The following PDCD6 variants were observed in gnomAD, a reference collection of about 807,000 sequenced individuals.
PDCD6 encodes the protein programmed cell death 6.
A neutral mutation model predicts 28.3 loss-of-function variants in PDCD6; 12 were observed. That is an observed-to-expected ratio of 0.42 (90% confidence interval 0.27 to 0.69). The LOEUF is 0.69. Ranked by LOEUF, PDCD6 falls within the 30% of genes least tolerant of loss-of-function variation. The pLI is 0.22. For missense variants in PDCD6, 226 were observed against 269.9 expected (o/e 0.84, Z 1.14); for synonymous variants, 92 against 108.0 (o/e 0.85, Z 0.92).
intron 2 of PDCD6, among the ~76,000 whole-genome samples, chr5:292,273 T>G (rs1739359321): frequency 6.6e-6 from 1 of 152,226 alleles, no homozygotes; most frequent in Non-Finnish European, 1.5e-5. Flanking sequence ...ATTGTTATGT[T>G]TTTGAGACAG....
chr5:285,457 A>C (rs552138172), intron 2 of PDCD6, among the ~76,000 whole-genome samples: 8 of 151,714 alleles, frequency 5.3e-5, no homozygotes, highest in Admixed American at 2.6e-4. Context: ...AGGGCCATGC[A>C]GCTGGAGACC....
chr5:274,158 A>G (rs1328726869), intron 2 of PDCD6, among the ~76,000 whole-genome samples: 1 of 152,244 alleles, frequency 6.6e-6, no homozygotes, highest in African/African-American at 2.4e-5. Context: ...GTTTGTCACC[A>G]GGGTGATACA....
rs1053695438 is a variant in PDCD6 at position 305,116 on chromosome 5, G to C, written c.208+895G>C. ...AGGGGCAGGCAGGCCTGGGAGGCAG[G>C]TGTTCAGGAGAGTCATGTTTCCATC... On this transcript the variant is annotated intron_variant, in intron 3 of 5. Coordinates refer to ENST00000264933, the MANE Select transcript of PDCD6 (RefSeq NM_013232.4). This position sits in a 1 kb window ranked among gnomAD's most constrained non-coding sequence, Gnocchi z 4.0. 4 of 152,518 alleles carry C rather than the reference G, an allele frequency of 2.6e-5. No individual in the cohort carries two copies. Among genetic ancestry groups the C allele is most frequent in the Non-Finnish European group, 5.9e-5 (4 of 68,370 alleles). The allele number at this position is 152,518 out of a possible 1,614,324, so 9.4% of individuals were successfully genotyped here. A position where few individuals can be genotyped will look rare whatever the true frequency, so the allele number is the denominator to read the frequency against.
intron 2 of PDCD6, among the ~76,000 whole-genome samples, chr5:299,588 C>T (rs1180226311): frequency 4.0e-5 from 6 of 150,424 alleles, no homozygotes; most frequent in Non-Finnish European, 5.9e-5. Context: ...CTCACTTTGT[C>T]GCCCAGGCTG....
chr5:294,438 G>C (rs1237676978), intron 2 of PDCD6, among the ~76,000 whole-genome samples: 1 of 152,232 alleles, frequency 6.6e-6, no homozygotes, highest in Non-Finnish European at 1.5e-5. Flanking sequence ...AGGGCATATT[G>C]CCCGAGAAAG....
chr5:290,093 T>C (rs1235439815), intron 2 of PDCD6: 1 of 1,572,166 alleles, frequency 6.4e-7, no homozygotes, highest in African/African-American at 1.4e-5. Flanking sequence ...TCAAAGGGAA[T>C]ATATTCGACA....
At position 310,649 on chromosome 5, in the gene PDCD6, G is replaced by C. The variant is rs1740849234; in HGVS notation, c.368-644G>C. 1.3e-5 allele frequency: 2 copies of C among 152,722 alleles called. 1 individual carries two copies. The highest frequency in any genetic ancestry group is 4.1e-4 in the South Asian group (2 of 4,860). The allele number at this position is 152,722 out of a possible 1,614,324, so 9.5% of individuals were successfully genotyped here. ...AGGCCTTTTTCAGGACAGCCTTGGT[G>C]AACTGGAAACGGAATCCCAGCCCTT... is the stretch of plus-strand genomic sequence containing the variant. On this transcript the variant is annotated intron_variant, in intron 4 of 5. Transcript: ENST00000264933.
chr5:300,875 A>G (rs377604143), intron 2 of PDCD6, among the ~76,000 whole-genome samples: 52 of 152,228 alleles, frequency 3.4e-4, no homozygotes, highest in Admixed American at 2.8e-3. Flanking sequence ...AGAATACTCC[A>G]GAAGACCCCA....
chr5:287,893 C>G (rs1487882861), intron 2 of PDCD6, among the ~76,000 whole-genome samples: 1 of 152,114 alleles, frequency 6.6e-6, no homozygotes, highest in East Asian at 1.9e-4. Context: ...GAAAAGCAAG[C>G]AAAAGTTCAA....
rs531732100 is a variant in PDCD6, at chr5:301,967, G to A, written c.164-2210G>A. On this transcript the variant is annotated intron_variant, in intron 2 of 5. Coordinates refer to ENST00000264933, the MANE Select transcript of PDCD6 (RefSeq NM_013232.4). ...TAACTGCTGGAGGGCGGGTCATCGAGTGCTGCTGTGTGTGTATGCCTCGGG... is the reference window on the plus strand; with the variant it reads ...TAACTGCTGGAGGGCGGGTCATCGAATGCTGCTGTGTGTGTATGCCTCGGG... Among the ~76,000 whole-genome samples, 45 of 150,920 alleles carry A rather than the reference G, an allele frequency of 3.0e-4. 1 individual carries two copies. The South Asian group carries it at 8.2e-3, about 28-fold the overall frequency.
At chr5:295,238 A>G (rs1739539797) in intron 2 of PDCD6, among the ~76,000 whole-genome samples, 2 of 152,204 alleles carry the variant, frequency 1.3e-5, no homozygotes, top group African/African-American at 4.8e-5. Flanking sequence ...AAAGTATTTC[A>G]TAAGCGTATT....
At chr5:280,067 T>TA (rs1738469877) in intron 2 of PDCD6, among the ~76,000 whole-genome samples, 1 of 149,366 alleles carries the variant, frequency 6.7e-6, no homozygotes, top group Non-Finnish European at 1.5e-5. Flanking sequence ...TAAACCCCGA[T>TA]AGAGAGGGTT....
intron 2 of PDCD6, among the ~76,000 whole-genome samples, chr5:275,020 A>G (rs189204692): frequency 0.012 from 1,763 of 150,834 alleles, 39 homozygotes; most frequent in African/African-American, 0.036. Context: ...CAATGGAGTC[A>G]CTTTTCTTAG....
chr5:303,241 T>G (rs1740225452), intron 2 of PDCD6, among the ~76,000 whole-genome samples: 1 of 151,076 alleles, frequency 6.6e-6, no homozygotes, highest in South Asian at 2.1e-4. Context: ...GACATTGTTC[T>G]CTGAGATCAG....
At chr5:299,360 G>A (rs1236780202) in intron 2 of PDCD6, among the ~76,000 whole-genome samples, 2 of 141,438 alleles carry the variant, frequency 1.4e-5, no homozygotes, top group South Asian at 2.3e-4. Flanking sequence ...CTCAAACCCC[G>A]TCACCTCCCT....
At position 300,746 on chromosome 5, in the gene PDCD6, A is replaced by G. The variant is rs546258636; in HGVS notation, c.164-3431A>G. Reference sequence around the variant, plus strand: ...AAGCCAGACCCCGCTGTGGTTGGCAAGGAAGGCGAGTGGAGACATCAGGAG... The same window carrying G: ...AAGCCAGACCCCGCTGTGGTTGGCAGGGAAGGCGAGTGGAGACATCAGGAG... On this transcript the variant is annotated intron_variant, in intron 2 of 5. Transcript: ENST00000264933. Among the ~76,000 whole-genome samples, 380 of 152,358 alleles carry G rather than the reference A, an allele frequency of 2.5e-3. 1 individual carries two copies. Among genetic ancestry groups the G allele is most frequent in the Admixed American group, 4.8e-3 (74 of 15,306 alleles).
intron 2 of PDCD6, among the ~76,000 whole-genome samples, chr5:299,778 T>C (rs981293865): frequency 5.9e-5 from 9 of 152,284 alleles, no homozygotes; most frequent in South Asian, 4.1e-4. Context: ...CTCGATCTCC[T>C]CACCTGGTGA....
At chr5:303,693 T>C (rs1175925293) in intron 2 of PDCD6, among the ~76,000 whole-genome samples, 1 of 151,438 alleles carries the variant, frequency 6.6e-6, no homozygotes, top group Admixed American at 6.6e-5. Flanking sequence ...CTTGCACCTT[T>C]CAGTAGAATT....
chr5:287,307 G>A (rs55671190), intron 2 of PDCD6, among the ~76,000 whole-genome samples: 19,709 of 152,058 alleles, frequency 0.13, 2,570 homozygotes, highest in African/African-American at 0.34. Flanking sequence ...AGCTAAACAC[G>A]GAGCCGATGT....
Sources: allele counts gnomAD v4.1 joint callset (sites outside exome capture counted in the v4.1 genomes callset), GRCh38; gene constraint gnomAD v4.1.1; non-coding constraint Gnocchi (gnomAD v3.1); transcripts MANE v1.5; gene names NCBI Gene and HGNC (gene_info 2026-07-23, HGNC 2026-07-21).